The following PRKCQ variants were observed in gnomAD, a reference collection of about 807,000 sequenced individuals.
The protein encoded by PRKCQ is protein kinase C theta type.
In PRKCQ, 41 loss-of-function variants were observed where a neutral mutation model predicts 91.2. The ratio of observed to expected loss-of-function variants is 0.45; its 90% CI spans 0.35 to 0.58. The LOEUF (loss-of-function observed/expected upper bound fraction) is 0.58, where lower values mean the gene tolerates loss of function less well. Among genes scored for constraint, PRKCQ ranks in the 20% least tolerant of loss-of-function variants. The probability of loss-of-function intolerance (pLI) is 0.00; values close to 1 mark genes in which losing one functional copy is unlikely to be tolerated. For missense variants in PRKCQ, 673 were observed against 896.5 expected (o/e 0.75, Z 3.18); for synonymous variants, 307 against 316.9 (o/e 0.97, Z 0.33).
intron 1 of PRKCQ, among the ~76,000 whole-genome samples, chr10:6,555,654 T>C (rs1840380699): frequency 6.6e-6 from 1 of 152,210 alleles, no homozygotes; most frequent in African/African-American, 2.4e-5. Flanking sequence ...ATCAATTTCA[T>C]AGCATTGTAT....
chr10:6,447,039 G>T (rs560576083), intron 15 of PRKCQ, among the ~76,000 whole-genome samples: 1 of 152,130 alleles, frequency 6.6e-6, no homozygotes, highest in South Asian at 2.1e-4. Flanking sequence ...AGGGAAATCC[G>T]ACTTTCTCCA....
Position 6,485,186 on chromosome 10 carries a change from T to C in PRKCQ, c.984A>G (p.Ala328=), listed in dbSNP as rs772534592. Residue 328 remains alanine, a synonymous_variant, in exon 10 of 18, where the codon GCA becomes GCG. Coordinates refer to ENST00000263125, the MANE Select transcript of PRKCQ (RefSeq NM_006257.5). ...CCGGTGTCGGTAAACATGGCGGCCT[T>C]GCTTCATTTTTGATGGAGCATGGGA... ...IGLPCSIKNE[A]RPPCLPTPGK... 1 of 1,614,096 alleles carries C rather than the reference T, an allele frequency of 6.2e-7. No homozygotes were observed.
chr10:6,416,325 G>A, the PRKCQ span, among the ~76,000 whole-genome samples: 1 of 151,384 alleles, frequency 6.6e-6, no homozygotes, highest in Admixed American at 6.6e-5. Context: ...CCTGAGCAGT[G>A]TGCACTGTAC....
chr10:6,478,683 T>A (rs921434826), intron 12 of PRKCQ, among the ~76,000 whole-genome samples: 1 of 152,234 alleles, frequency 6.6e-6, no homozygotes, highest in Non-Finnish European at 1.5e-5. Context: ...CAAACACTTG[T>A]TACATTTTCC....
intron 1 of PRKCQ, 171 bp from the exon 2 acceptor site, chr10:6,515,315 A>T (rs1838706384): frequency 1.3e-6 from 2 of 1,504,790 alleles, no homozygotes; most frequent in Non-Finnish European, 8.8e-7. Context: ...ACACTGCTGG[A>T]CTCACCCAAA....
At chr10:6,548,155 G>C (rs1840037458) in intron 1 of PRKCQ, among the ~76,000 whole-genome samples, 1 of 151,136 alleles carries the variant, frequency 6.6e-6, no homozygotes, top group South Asian at 2.1e-4. Context: ...CTGGCCATCA[G>C]AGAAATGCAA....
chr10:6,472,104 T>C (rs770698195), intron 12 of PRKCQ, among the ~76,000 whole-genome samples: 112 of 152,060 alleles, frequency 7.4e-4, no homozygotes, highest in Admixed American at 7.9e-4. Flanking sequence ...GTCAGGAGAT[T>C]GAGACTATCC....
intron 1 of PRKCQ, among the ~76,000 whole-genome samples, chr10:6,525,430 A>T (rs1839165106): frequency 6.6e-6 from 1 of 152,166 alleles, no homozygotes; most frequent in Non-Finnish European, 1.5e-5. Context: ...ATACTTTTTA[A>T]AAAAACTTTG....
chr10:6,479,767 TAAAAAAAAA>T (rs34610362), intron 11 of PRKCQ, among the ~76,000 whole-genome samples: 7 of 38,986 alleles, frequency 1.8e-4, no homozygotes, highest in South Asian at 1.4e-3. Context: ...CCGTCTCGAC[TAAAAAAAAA>T]AAAAAAAAAA....
the PRKCQ span, among the ~76,000 whole-genome samples, chr10:6,394,616 A>C: frequency 6.6e-6 from 1 of 150,712 alleles, no homozygotes; most frequent in African/African-American, 2.5e-5. Flanking sequence ...CGTGTTGTAA[A>C]TACATACGCC....
At chr10:6,499,495 G>A (rs796321609) in intron 4 of PRKCQ, among the ~76,000 whole-genome samples, 3 of 152,140 alleles carry the variant, frequency 2.0e-5, no homozygotes, top group Non-Finnish European at 2.9e-5. Flanking sequence ...CACAGCAGGT[G>A]AGAGAGAATA....
intron 3 of PRKCQ, among the ~76,000 whole-genome samples, chr10:6,508,507 A>G (rs1057321602): frequency 2.6e-5 from 4 of 152,272 alleles, no homozygotes; most frequent in Admixed American, 6.5e-5. Flanking sequence ...CCTATGTCAC[A>G]GCATTACTGC....
chr10:6,499,848 A>G (rs1837807389), intron 4 of PRKCQ, among the ~76,000 whole-genome samples: 1 of 152,232 alleles, frequency 6.6e-6, no homozygotes, highest in Admixed American at 6.5e-5. Context: ...GCTAGATTAG[A>G]AACACTCTAG....
At chr10:6,458,352 G>T (rs1835139751) in intron 14 of PRKCQ, among the ~76,000 whole-genome samples, 1 of 152,186 alleles carries the variant, frequency 6.6e-6, no homozygotes, top group Admixed American at 6.5e-5. Flanking sequence ...CCTGGAGCCA[G>T]CTGGAGAGGG....
chr10:6,564,721 T>C (rs1222405476), intron 1 of PRKCQ, among the ~76,000 whole-genome samples: 1 of 152,120 alleles, frequency 6.6e-6, no homozygotes, highest in Admixed American at 6.5e-5. Flanking sequence ...ACAAATACAA[T>C]GGTGCTGTTT....
At chr10:6,434,573 G>A (rs1422407222) in intron 16 of PRKCQ, among the ~76,000 whole-genome samples, 1 of 152,120 alleles carries the variant, frequency 6.6e-6, no homozygotes, top group East Asian at 1.9e-4. Flanking sequence ...CTCCGCCCCT[G>A]GAAAGCTGCA....
intron 12 of PRKCQ, among the ~76,000 whole-genome samples, chr10:6,467,405 G>GAC (rs1302089853): frequency 5.6e-5 from 7 of 125,714 alleles, no homozygotes; most frequent in East Asian, 2.6e-4. Context: ...GAGAGAGAGA[G>GAC]AGAGAGAGAG....
intron 1 of PRKCQ, among the ~76,000 whole-genome samples, chr10:6,563,199 T>G (rs560456416): frequency 6.6e-6 from 1 of 152,024 alleles, no homozygotes; most frequent in East Asian, 1.9e-4. Context: ...CAGCTAGGAT[T>G]TCAGAGCGTA....
intron 1 of PRKCQ, among the ~76,000 whole-genome samples, chr10:6,551,803 T>G (rs1448656793): frequency 6.6e-6 from 1 of 152,260 alleles, no homozygotes; most frequent in African/African-American, 2.4e-5. Context: ...GTCTTTATGA[T>G]AGAACGATTT....
Sources: allele counts gnomAD v4.1 joint callset (sites outside exome capture counted in the v4.1 genomes callset), GRCh38; gene constraint gnomAD v4.1.1; transcripts MANE v1.5; gene names NCBI Gene and HGNC (gene_info 2026-07-23, HGNC 2026-07-21).